Variants in HCRTR2 observed in about 807,000 individuals in gnomAD.
HCRTR2 encodes hypocretin receptor 2.
A neutral mutation model predicts 49.0 loss-of-function variants in HCRTR2; 22 were observed. The ratio of observed to expected loss-of-function variants is 0.45; its 90% CI spans 0.32 to 0.64. The LOEUF is 0.64. Ranked by LOEUF, HCRTR2 falls within the 30% of genes least tolerant of loss-of-function variation. HCRTR2 has a pLI of 0.04. For missense variants in HCRTR2, 491 were observed against 559.4 expected (o/e 0.88, Z 1.23); for synonymous variants, 236 against 205.3 (o/e 1.15, Z -1.28).
At chr6:55,167,691 A>G (rs1581804116) in intron 1 of HCRTR2, among the ~76,000 whole-genome samples, 1 of 151,850 alleles carries the variant, frequency 6.6e-6, no homozygotes, top group Admixed American at 6.6e-5. Flanking sequence ...CCCAGATCCC[A>G]CCCTTCAGAG....
intron 1 of HCRTR2, among the ~76,000 whole-genome samples, chr6:55,127,738 C>T (rs1320315087): frequency 6.6e-6 from 1 of 152,114 alleles, no homozygotes; most frequent in Non-Finnish European, 1.5e-5. Flanking sequence ...TTATAGATCT[C>T]TGGGGTTTGT....
intron 4 of HCRTR2, 35 bp downstream of exon 4, chr6:55,263,857 C>A: frequency 8.5e-7 from 1 of 1,182,716 alleles, no homozygotes; most frequent in Non-Finnish European, 1.3e-6. Context: ...TGCATTATTC[C>A]TCCACACATA....
At chr6:55,265,120 A>G (rs1766838084) in intron 4 of HCRTR2, among the ~76,000 whole-genome samples, 1 of 152,060 alleles carries the variant, frequency 6.6e-6, no homozygotes, top group Non-Finnish European at 1.5e-5. Context: ...CAGTAGCAAC[A>G]TTTATTAACA....
chr6:55,258,999 C>T (rs536018557), intron 3 of HCRTR2, among the ~76,000 whole-genome samples: 129 of 152,096 alleles, frequency 8.5e-4, no homozygotes, highest in African/African-American at 2.5e-3. Context: ...TGCAGTGAGC[C>T]GAGATCATGG....
At chr6:55,258,622 C>T (rs1766697106) in intron 3 of HCRTR2, among the ~76,000 whole-genome samples, 1 of 152,088 alleles carries the variant, frequency 6.6e-6, no homozygotes, top group South Asian at 2.1e-4. Flanking sequence ...TTTTAATAAC[C>T]TTTAAAATAT....
chr6:55,112,438 C>G (rs1764061356), intron 1 of HCRTR2, among the ~76,000 whole-genome samples: 1 of 150,696 alleles, frequency 6.6e-6, no homozygotes, highest in Admixed American at 6.7e-5. Context: ...TCAATGAATT[C>G]AGTAAAGTTT....
chr6:55,197,195 T>A (rs193301384), intron 1 of HCRTR2, among the ~76,000 whole-genome samples: 1 of 152,218 alleles, frequency 6.6e-6, no homozygotes, highest in Admixed American at 6.5e-5. Context: ...CTAACTCTAA[T>A]CCTATCTCTA....
At chr6:55,156,986 A>G (rs985001163) in intron 1 of HCRTR2, among the ~76,000 whole-genome samples, 4 of 152,196 alleles carry the variant, frequency 2.6e-5, no homozygotes, top group Non-Finnish European at 5.9e-5. Context: ...TCAGAAAAAG[A>G]CAAAGAGGTC....
At chr6:55,217,641 A>T (rs1379555572) in intron 1 of HCRTR2, among the ~76,000 whole-genome samples, 1 of 152,166 alleles carries the variant, frequency 6.6e-6, no homozygotes, top group African/African-American at 2.4e-5. Context: ...CTGAAACCTC[A>T]TAACGGCCTT....
chr6:55,127,631 T>C (rs138691387), intron 1 of HCRTR2, among the ~76,000 whole-genome samples: 218 of 152,252 alleles, frequency 1.4e-3, no homozygotes, highest in African/African-American at 5.1e-3. Flanking sequence ...CTTCCTTAAT[T>C]GTCTTATGCC....
At chr6:55,159,395 A>G (rs1338009190) in intron 1 of HCRTR2, among the ~76,000 whole-genome samples, 1 of 152,200 alleles carries the variant, frequency 6.6e-6, no homozygotes, top group African/African-American at 2.4e-5. Flanking sequence ...ACCAGCACAA[A>G]AAAGCTGAAA....
At chr6:55,164,141 T>C (rs1764844189) in intron 1 of HCRTR2, among the ~76,000 whole-genome samples, 1 of 152,116 alleles carries the variant, frequency 6.6e-6, no homozygotes, top group Admixed American at 6.6e-5. Flanking sequence ...CTGGAGAGGA[T>C]GTGGAGAAAT....
intron 1 of HCRTR2, among the ~76,000 whole-genome samples, chr6:55,240,271 T>C (rs892578463): frequency 4.6e-5 from 6 of 131,570 alleles, no homozygotes; most frequent in African/African-American, 1.8e-4. Context: ...GGCAGGAGAA[T>C]GGCGTGAACC....
chr6:55,109,868 G>C (rs1265144231), intron 1 of HCRTR2, among the ~76,000 whole-genome samples: 1 of 152,082 alleles, frequency 6.6e-6, no homozygotes, highest in East Asian at 1.9e-4. Context: ...GAAGCTCAAA[G>C]AACATCTGGG....
intron 2 of HCRTR2, among the ~76,000 whole-genome samples, chr6:55,253,708 T>C (rs1043858296): frequency 6.6e-6 from 1 of 152,150 alleles, no homozygotes; most frequent in African/African-American, 2.4e-5. Flanking sequence ...TAAAAAAGAA[T>C]GAGATCATGT....
intron 1 of HCRTR2, among the ~76,000 whole-genome samples, chr6:55,137,420 A>G (rs1764447878): frequency 6.6e-6 from 1 of 152,210 alleles, no homozygotes; most frequent in African/African-American, 2.4e-5. Context: ...GTCAAAAAAG[A>G]GAGAAAAAAT....
chr6:55,236,811 A>C (rs1249897064), intron 1 of HCRTR2, among the ~76,000 whole-genome samples: 1 of 152,062 alleles, frequency 6.6e-6, no homozygotes, highest in Non-Finnish European at 1.5e-5. Flanking sequence ...AATTTATAGC[A>C]CTTCTTATAT....
chr6:55,251,181 A>T (rs1263051495), intron 2 of HCRTR2, among the ~76,000 whole-genome samples: 1 of 152,170 alleles, frequency 6.6e-6, no homozygotes, highest in Non-Finnish European at 1.5e-5. Flanking sequence ...AACATGTTAC[A>T]TCATGCCCAG....
chr6:55,151,022 C>A (rs1170285046), intron 1 of HCRTR2, among the ~76,000 whole-genome samples: 5 of 151,970 alleles, frequency 3.3e-5, no homozygotes, highest in African/African-American at 1.2e-4. Context: ...AAATTAAATA[C>A]CCTGATTAAA....
Sources: gnomAD v4.1 joint callset for allele counts (sites outside exome capture counted in the v4.1 genomes callset) on GRCh38, gnomAD v4.1.1 for gene constraint, MANE v1.5 for transcripts, NCBI Gene and HGNC (gene_info 2026-07-23, HGNC 2026-07-21) for gene names.